The following NR3C2 variants were observed in gnomAD, a reference collection of about 807,000 sequenced individuals.
NR3C2 encodes mineralocorticoid receptor.
NR3C2 carries 15 observed loss-of-function variants against 86.4 expected under a neutral mutation model. The observed-to-expected ratio is 0.17, with a 90% CI of 0.12 to 0.27. NR3C2 has a LOEUF of 0.27. Among genes scored for constraint, NR3C2 ranks in the 10% least tolerant of loss-of-function variants. The pLI is 1.00. For missense variants in NR3C2, 960 were observed against 1,195.6 expected (o/e 0.80, Z 2.91); for synonymous variants, 458 against 450.5 (o/e 1.02, Z -0.21).
At chr4:148,297,458 A>G (rs907394947) in intron 2 of NR3C2, among the ~76,000 whole-genome samples, 19 of 151,964 alleles carry the variant, frequency 1.3e-4, no homozygotes, top group African/African-American at 4.6e-4. Context: ...AACTACACCT[A>G]TATATTTAAA....
chr4:148,430,757 T>C (rs1749764995), intron 2 of NR3C2, among the ~76,000 whole-genome samples: 1 of 152,172 alleles, frequency 6.6e-6, no homozygotes, highest in Admixed American at 6.5e-5. Context: ...CTGTTTATAT[T>C]GAAAGTTTAG....
intron 2 of NR3C2, among the ~76,000 whole-genome samples, chr4:148,358,349 T>C (rs921595901): frequency 2.6e-5 from 4 of 152,000 alleles, no homozygotes; most frequent in East Asian, 3.9e-4. Context: ...GAAATCATCA[T>C]TGTCAGTCAA....
At chr4:148,300,958 CCA>C (rs1742310928) in intron 2 of NR3C2, among the ~76,000 whole-genome samples, 1 of 152,282 alleles carries the variant, frequency 6.6e-6, no homozygotes, top group African/African-American at 2.4e-5. Flanking sequence ...AGAAAAGGTA[CCA>C]CAGTTTCCAT....
chr4:148,114,239 G>A lies in NR3C2; in HGVS notation c.2664C>T (p.Ser888=). ...TCCTCATTTCTTCAAATGCAGCCTG[G>A]CTTTTGAGGCCATCCTTTGGAACTG... ...LSTIPKDGLK[S]QAAFEEMRTN... Residue 888 remains serine (S), a synonymous_variant, in exon 8 of 9, where the codon AGC becomes AGT. Transcript: ENST00000358102. 6.2e-7 allele frequency: 1 copy of A among 1,613,932 alleles called. No individual in the cohort carries two copies. The highest frequency in any genetic ancestry group is 1.7e-5 in the Admixed American group (1 of 60,002).
chr4:148,283,306 T>A (rs1741341375), intron 2 of NR3C2, among the ~76,000 whole-genome samples: 1 of 152,146 alleles, frequency 6.6e-6, no homozygotes, highest in South Asian at 2.1e-4. Context: ...AATTACAACA[T>A]TACAAAATTG....
chr4:148,342,548 G>A (rs1471310921), intron 2 of NR3C2, among the ~76,000 whole-genome samples: 1 of 152,106 alleles, frequency 6.6e-6, no homozygotes, highest in Non-Finnish European at 1.5e-5. Context: ...ATCTGATGAA[G>A]CTCTGGTTTG....
Position 148,081,201 on chromosome 4 carries a change from CCT to C in NR3C2, c.*141_*142del. On this transcript the variant is annotated 3_prime_UTR_variant, in exon 9 of 9. Transcript: ENST00000358102. The stretch of plus-strand genomic sequence containing the variant: ...GAAAAACAGCTTTCCCGGCTCCAAA[CCT>C]CTGACATGACTTTAAACTTGAGAAA... 2.5e-6 allele frequency: 3 copies of C among 1,222,812 alleles called. No homozygotes were observed. The highest frequency in any genetic ancestry group is 3.5e-6 in the Non-Finnish European group (3 of 849,954). The allele number at this position is 1,222,812 out of a possible 1,614,324, so 75.7% of individuals were successfully genotyped here. A position where few individuals can be genotyped will look rare whatever the true frequency, so the allele number is the denominator to read the frequency against.
chr4:148,286,273 T>G (rs1741514041), intron 2 of NR3C2, among the ~76,000 whole-genome samples: 1 of 152,220 alleles, frequency 6.6e-6, no homozygotes, highest in Non-Finnish European at 1.5e-5. Context: ...AGCTGTGTTA[T>G]TCAACTTAGC....
chr4:148,286,836 CAT>C lies in NR3C2; in HGVS notation c.1758-26721_1758-26720del, dbSNP rs147347865. On this transcript the variant is annotated intron_variant, in intron 2 of 8. Transcript: ENST00000358102. ...AATAACAGCAAAAAAATTCTCATAA[CAT>C]AATTTGTGCCATTACTTTACAATCA... Among the ~76,000 whole-genome samples, 114 of 152,276 alleles carry C rather than the reference CAT, an allele frequency of 7.5e-4. 1 individual carries two copies. Among genetic ancestry groups the C allele is most frequent in the Non-Finnish European group, 1.3e-3 (88 of 68,008 alleles).
rs72656806 is a variant in NR3C2, at chr4:148,327,357, A to C, written c.1758-67240T>G. ...TTAAAAGTACAGTTTAAAATTAAGG[A>C]TATGTAACTACCTTGGTTGAGGATA... On this transcript the variant is annotated intron_variant, in intron 2 of 8. Transcript: ENST00000358102. 5.0e-3 allele frequency among the ~76,000 whole-genome samples: 767 copies of C among 152,344 alleles called. 8 individuals carry two copies. Among genetic ancestry groups the C allele is most frequent in the African/African-American group, 0.018 (743 of 41,580 alleles).
intron 6 of NR3C2, among the ~76,000 whole-genome samples, chr4:148,150,931 T>C (rs1734074324): frequency 6.6e-6 from 1 of 152,178 alleles, no homozygotes; most frequent in Non-Finnish European, 1.5e-5. Flanking sequence ...AAATATTATA[T>C]GATTCCACTT....
At chr4:148,161,256 T>C (rs993304394) in intron 4 of NR3C2, among the ~76,000 whole-genome samples, 1 of 152,252 alleles carries the variant, frequency 6.6e-6, no homozygotes, top group Non-Finnish European at 1.5e-5. Context: ...ACACACATTA[T>C]TGATTTTGTT....
intron 1 of NR3C2, among the ~76,000 whole-genome samples, chr4:148,438,119 A>G (rs1320267096): frequency 6.6e-6 from 1 of 152,220 alleles, no homozygotes; most frequent in African/African-American, 2.4e-5. Context: ...ATTTGATCGC[A>G]AGTCTCTCTC....
chr4:148,410,103 T>G (rs1748621851), intron 2 of NR3C2, among the ~76,000 whole-genome samples: 1 of 152,196 alleles, frequency 6.6e-6, no homozygotes, highest in Non-Finnish European at 1.5e-5. Context: ...ACAATGTTTA[T>G]TTTTCAATGT....
intron 2 of NR3C2, among the ~76,000 whole-genome samples, chr4:148,273,199 T>C (rs1475008990): frequency 6.6e-6 from 1 of 152,202 alleles, no homozygotes; most frequent in Non-Finnish European, 1.5e-5. Flanking sequence ...GAAATTAGGA[T>C]TGCTAAATGT....
chr4:148,328,546 G>C (rs1744073085), intron 2 of NR3C2, among the ~76,000 whole-genome samples: 1 of 152,138 alleles, frequency 6.6e-6, no homozygotes, highest in Non-Finnish European at 1.5e-5. Context: ...AATCAGAGGA[G>C]ACCTCACCAT....
rs150466172 is a variant in NR3C2 at position 148,296,542 on chromosome 4, G to A, written c.1758-36425C>T. ...AAGAAAACTGGATTTCTAATGATTC[G>A]CTGTCTTTGTAACTTCAATCTGCTC... On this transcript the variant is annotated intron_variant, in intron 2 of 8. Transcript: ENST00000358102. Among the ~76,000 whole-genome samples, 4 of 151,160 alleles carry A rather than the reference G, an allele frequency of 2.6e-5. No homozygotes were observed. In the East Asian group the frequency reaches 5.8e-4, roughly 22 times the overall value.
At chr4:148,333,969 T>A (rs1392092049) in intron 2 of NR3C2, among the ~76,000 whole-genome samples, 1 of 152,212 alleles carries the variant, frequency 6.6e-6, no homozygotes, top group Non-Finnish European at 1.5e-5. Flanking sequence ...AAAATAAATT[T>A]AAAATTTATT....
chr4:148,409,716 A>G (rs1560716596), intron 2 of NR3C2, among the ~76,000 whole-genome samples: 2 of 152,156 alleles, frequency 1.3e-5, no homozygotes, highest in African/African-American at 2.4e-5. Flanking sequence ...CCATATTTAA[A>G]CTTCATGCAA....
Sources: gnomAD v4.1 joint callset for allele counts (sites outside exome capture counted in the v4.1 genomes callset) on GRCh38, gnomAD v4.1.1 for gene constraint, MANE v1.5 for transcripts, NCBI Gene and HGNC (gene_info 2026-07-23, HGNC 2026-07-21) for gene names.